Variants in KRT39 observed in about 807,000 individuals in gnomAD.
KRT39 encodes the protein keratin 39.
A neutral mutation model predicts 54.8 loss-of-function variants in KRT39; 47 were observed. That is an observed-to-expected ratio of 0.86 (90% CI 0.68 to 1.09). The LOEUF is 1.09. KRT39 is among the 50% of genes least tolerant of loss of function. KRT39 has a pLI of 0.00. For missense variants in KRT39, 580 were observed against 598.5 expected, an observed-to-expected ratio of 0.97 and a Z score of 0.32; for synonymous variants, 207 against 227.9, an observed-to-expected ratio of 0.91 and a Z score of 0.83.
chr17:40,958,984 TATTC>T, intron 6 of KRT39, 125 bp from the exon 7 acceptor site: 1 of 827,204 alleles, frequency 1.2e-6, no homozygotes, highest in Non-Finnish European at 1.9e-6. Flanking sequence ...TCTAAATGCT[TATTC>T]ATTTATTTTG....
chr17:40,961,996 C>A (rs1911169551), intron 5 of KRT39, among the ~76,000 whole-genome samples, 166 bp downstream of exon 5: 3 of 152,198 alleles, frequency 2.0e-5, no homozygotes, highest in Admixed American at 2.0e-4. Flanking sequence ...TTTAGTGCAG[C>A]GTTTCGTAGA....
chr17:40,966,358 A>G (rs1439342798), intron 1 of KRT39, 31 bp downstream of exon 1: 2 of 1,482,808 alleles, frequency 1.3e-6, no homozygotes, highest in Non-Finnish European at 1.9e-6. Flanking sequence ...TTAATTCACA[A>G]CACGATTAAA....
chr17:40,965,159 G>A (rs895369782), intron 1 of KRT39, among the ~76,000 whole-genome samples: 38 of 151,808 alleles, frequency 2.5e-4, no homozygotes, highest in Non-Finnish European at 5.2e-4. Context: ...AGCCGAGATC[G>A]CGCCACTGCA....
At chr17:40,964,086 A>C (rs2041860) in intron 2 of KRT39, 6 of 415,490 alleles carry the variant, frequency 1.4e-5, no homozygotes, top group Admixed American at 7.9e-5. Context: ...CTCAGAAAAC[A>C]TGTGTCCAAG....
At chr17:40,964,551 A>G (rs750398251) in intron 1 of KRT39, 23 bp from the exon 2 acceptor site, 14 of 1,517,074 alleles carry the variant, frequency 9.2e-6, no homozygotes, top group African/African-American at 1.4e-5. Context: ...GATTGTACAC[A>G]CAAATGAAGC....
Position 40,966,904 on chromosome 17 carries a change from G to A in KRT39, c.-48C>T. 7.1e-7 allele frequency: 1 copy of A among 1,414,478 alleles called. No individual in the cohort carries two copies. Among genetic ancestry groups the A allele is most frequent in the African/African-American group, 1.4e-5 (1 of 70,970 alleles). 87.6% of individuals were successfully genotyped at this position (1,414,478 alleles called of 1,614,324 possible). On this transcript the variant is annotated 5_prime_UTR_variant, in exon 1 of 7. Transcript: ENST00000355612. ...GTTCCAGGTCTGTGGTCACCAGGAT[G>A]AAAAGCTCAAGCCACCTCCACAGAG... is the stretch of plus-strand genomic sequence containing the variant.
chr17:40,960,125 G>A (rs1218989066), intron 6 of KRT39, among the ~76,000 whole-genome samples, 156 bp downstream of exon 6: 1 of 152,142 alleles, frequency 6.6e-6, no homozygotes, highest in Non-Finnish European at 1.5e-5. Flanking sequence ...CTTCCTCATG[G>A]CACAGCTTGA....
intron 3 of KRT39, among the ~76,000 whole-genome samples, 168 bp from the exon 4 acceptor site, chr17:40,962,731 A>T (rs893368081): frequency 6.6e-6 from 1 of 151,988 alleles, no homozygotes; most frequent in African/African-American, 2.4e-5. Flanking sequence ...ATGATTTAAG[A>T]CTCTTTCAGG....
At chr17:40,960,126 C>T (rs554699406) in intron 6 of KRT39, among the ~76,000 whole-genome samples, 155 bp downstream of exon 6, 1 of 152,330 alleles carries the variant, frequency 6.6e-6, no homozygotes, top group South Asian at 2.1e-4. Flanking sequence ...TTCCTCATGG[C>T]ACAGCTTGAG....
chr17:40,960,892 G>A (rs1245832631), intron 5 of KRT39, among the ~76,000 whole-genome samples: 1 of 152,186 alleles, frequency 6.6e-6, no homozygotes, highest in African/African-American at 2.4e-5. Flanking sequence ...AGCACTTTGG[G>A]AGGCCCAGGT....
In KRT39 at chr17:40,966,463, T is replaced by C. The variant is rs376523980; in HGVS notation, c.394A>G (p.Ser132Gly). 101 of 1,614,088 alleles carry C rather than the reference T, an allele frequency of 6.3e-5. No homozygotes were observed. Among genetic ancestry groups the C allele is most frequent in the Non-Finnish European group, 8.1e-5 (96 of 1,180,028 alleles). Residue 132 changes from serine (S) to glycine (G), a missense_variant, in exon 1 of 7, where the codon AGT becomes GGT. Transcript: ENST00000355612. ...AELESKIQEE[S>G]NKELPVLCPD... ...CATAGAACAGGGAGCTCTTTGTTAC[T>C]TTCTTCCTGGATTTTAGATTCCAGT...
chr17:40,959,199 C>T (rs985173588), intron 6 of KRT39, among the ~76,000 whole-genome samples: 11 of 152,314 alleles, frequency 7.2e-5, no homozygotes, highest in African/African-American at 2.4e-4. Flanking sequence ...AGTCATTTAA[C>T]GCACTCAACC....
At chr17:40,959,549 G>A (rs1459497470) in intron 6 of KRT39, among the ~76,000 whole-genome samples, 2 of 152,186 alleles carry the variant, frequency 1.3e-5, no homozygotes, top group African/African-American at 4.8e-5. Context: ...TCCTAAAGGT[G>A]ACAGCATTGA....
chr17:40,965,697 T>A (rs1911359875), intron 1 of KRT39, among the ~76,000 whole-genome samples: 1 of 152,198 alleles, frequency 6.6e-6, no homozygotes, highest in Admixed American at 6.5e-5. Flanking sequence ...TGGTGATGGT[T>A]GAAAAATGGA....
chr17:40,960,670 A>G, intron 5 of KRT39, 169 bp from the exon 6 acceptor site: 1 of 604,210 alleles, frequency 1.7e-6, no homozygotes, highest in Non-Finnish European at 2.9e-6. Context: ...ATGATCAACT[A>G]TGCTAAAATC....
intron 2 of KRT39, 105 bp downstream of exon 2, chr17:40,964,341 A>G (rs1023820563): frequency 1.1e-4 from 97 of 884,390 alleles, no homozygotes; most frequent in Non-Finnish European, 1.7e-4. Context: ...TGCCAACATC[A>G]TCTGGGGCAA....
intron 3 of KRT39, among the ~76,000 whole-genome samples, chr17:40,963,348 T>TC: frequency 6.6e-6 from 1 of 152,082 alleles, no homozygotes; most frequent in East Asian, 1.9e-4. Flanking sequence ...AAAGGGCTCT[T>TC]CCCCCTTTGG....
At chr17:40,959,490 A>T (rs980050108) in intron 6 of KRT39, among the ~76,000 whole-genome samples, 32 of 152,220 alleles carry the variant, frequency 2.1e-4, no homozygotes, top group African/African-American at 7.5e-4. Context: ...CTTTTTATAA[A>T]CATAATCTTT....
intron 1 of KRT39, 102 bp downstream of exon 1, chr17:40,966,287 T>G: frequency 1.1e-6 from 1 of 933,484 alleles, no homozygotes; most frequent in Non-Finnish European, 1.6e-6. Context: ...TCAAAAAAAT[T>G]TTCAGCATCA....
Sources: allele counts gnomAD v4.1 joint callset (sites outside exome capture counted in the v4.1 genomes callset), GRCh38; gene constraint gnomAD v4.1.1; transcripts MANE v1.5; gene names NCBI Gene and HGNC (gene_info 2026-07-23, HGNC 2026-07-21).